Variants in EPS15 observed in about 807,000 individuals in gnomAD.
EPS15 encodes epidermal growth factor receptor substrate 15.
A neutral mutation model predicts 113.8 loss-of-function variants in EPS15; 72 were observed. That is an observed-to-expected ratio of 0.63 (90% confidence interval 0.52 to 0.77). The LOEUF (loss-of-function observed/expected upper bound fraction) is 0.77, where lower values mean the gene tolerates loss of function less well. Among genes scored for constraint, EPS15 ranks in the 30% least tolerant of loss-of-function variants. The pLI, the probability that EPS15 is intolerant of heterozygous loss-of-function variation, is 0.00. For synonymous variants in EPS15, 344 were observed against 363.4 expected (o/e 0.95, Z 0.61); for missense variants, 1,048 against 1,045.8 (o/e 1.00, Z -0.03).
chr1:51,359,518 G>T (rs1476703091), intron 24 of EPS15, among the ~76,000 whole-genome samples: 1 of 150,966 alleles, frequency 6.6e-6, no homozygotes, highest in East Asian at 1.9e-4. Context: ...CCAACACTTT[G>T]AGAGGCTGAG....
At chr1:51,495,444 A>G (rs969375924) in intron 1 of EPS15, among the ~76,000 whole-genome samples, 1 of 151,476 alleles carries the variant, frequency 6.6e-6, no homozygotes, top group Non-Finnish European at 1.5e-5. Flanking sequence ...CAAGAAATAT[A>G]AAAGAATAAC....
intron 6 of EPS15, 22 bp from the exon 7 acceptor site, chr1:51,463,820 C>T: frequency 6.7e-7 from 1 of 1,490,378 alleles, no homozygotes; most frequent in Non-Finnish European, 9.1e-7. Flanking sequence ...AACAAAATCA[C>T]AAGTTAAATA....
Position 51,406,122 on chromosome 1 carries a change from G to A in EPS15, c.1474-14C>T. On this transcript the variant is annotated splice_polypyrimidine_tract_variant and intron_variant, in intron 15 of 24. Coordinates refer to ENST00000371733, the MANE Select transcript of EPS15 (RefSeq NM_001981.3). The stretch of plus-strand genomic sequence containing the variant: ...TTTCATTTGCATCTGCCAACACAAA[G>A]AAGAAATATAGAACAGAATTTATTA... 1.2e-6 allele frequency: 2 copies of A among 1,607,376 alleles called. No homozygotes were observed. The highest frequency in any genetic ancestry group is 1.7e-6 in the Non-Finnish European group (2 of 1,175,702).
intron 9 of EPS15, among the ~76,000 whole-genome samples, chr1:51,447,464 T>A (rs1653157598): frequency 1.3e-5 from 2 of 152,218 alleles, no homozygotes; most frequent in South Asian, 4.1e-4. Context: ...TTTTTATAGT[T>A]TGACCCAGCA....
At chr1:51,405,830 TTAGA>T (rs1649067847) in intron 16 of EPS15, 71 bp downstream of exon 16, 1 of 1,214,036 alleles carries the variant, frequency 8.2e-7, no homozygotes, top group African/African-American at 1.5e-5. Context: ...TGTATTTATA[TTAGA>T]TATAATGTCA....
chr1:51,357,393 T>A (rs12126402), intron 24 of EPS15, among the ~76,000 whole-genome samples: 11,942 of 55,374 alleles, frequency 0.22, 1,332 homozygotes, highest in East Asian at 0.23. Context: ...AAAAAAAAAA[T>A]ATATATATAT....
intron 20 of EPS15, 120 bp from the exon 21 acceptor site, chr1:51,394,567 A>T: frequency 2.0e-6 from 1 of 509,314 alleles, no homozygotes; most frequent in Non-Finnish European, 3.5e-6. Flanking sequence ...TATAGACATT[A>T]GGAACAAATG....
intron 1 of EPS15, among the ~76,000 whole-genome samples, chr1:51,486,242 A>T (rs952135488): frequency 4.0e-5 from 6 of 149,008 alleles, no homozygotes; most frequent in Admixed American, 6.7e-5. Flanking sequence ...ATATGGCAAC[A>T]CCTCGTCTCT....
At chr1:51,475,771 T>A (rs1286808520) in intron 2 of EPS15, among the ~76,000 whole-genome samples, 3 of 152,194 alleles carry the variant, frequency 2.0e-5, no homozygotes, top group Non-Finnish European at 2.9e-5. Flanking sequence ...ATGGCCTGAA[T>A]GGTATTGCCT....
At chr1:51,462,926 G>GCT (rs1377615376) in intron 7 of EPS15, among the ~76,000 whole-genome samples, 3 of 145,346 alleles carry the variant, frequency 2.1e-5, no homozygotes, top group Admixed American at 7.0e-5. Flanking sequence ...GCCCAGGCTG[G>GCT]AGTGTAGTGG....
At chr1:51,401,470 A>G (rs1557431304) in intron 18 of EPS15, among the ~76,000 whole-genome samples, 1 of 152,250 alleles carries the variant, frequency 6.6e-6, no homozygotes, top group Non-Finnish European at 1.5e-5. Context: ...ATATACAAAA[A>G]TAAACTCAAA....
At chr1:51,500,448 T>C (rs1032006734) in intron 1 of EPS15, among the ~76,000 whole-genome samples, 7 of 152,076 alleles carry the variant, frequency 4.6e-5, no homozygotes, top group African/African-American at 1.7e-4. Flanking sequence ...TCTTCATCAA[T>C]ATTTGCTAGT....
At chr1:51,509,941 T>C (rs868629299) in intron 1 of EPS15, among the ~76,000 whole-genome samples, 11 of 152,358 alleles carry the variant, frequency 7.2e-5, no homozygotes, top group Non-Finnish European at 1.3e-4. Flanking sequence ...TCCGAGTTGC[T>C]TAGACTACTG....
Position 51,371,492 on chromosome 1 carries a change from A to C in EPS15, c.2120-5463T>G, listed in dbSNP as rs142151815. 1.1e-3 allele frequency among the ~76,000 whole-genome samples: 162 copies of C among 150,024 alleles called. 1 individual carries two copies. Among genetic ancestry groups the C allele is most frequent in the African/African-American group, 3.9e-3 (160 of 41,258 alleles). On this transcript the variant is annotated intron_variant, in intron 21 of 24. Transcript: ENST00000371733. ...TTTTTCTCTTTTGCATCTTACATTT[A>C]AGAAAAAAGTTTAAAAGTTAAAAAA...
At chr1:51,359,906 T>C (rs903890184) in intron 24 of EPS15, among the ~76,000 whole-genome samples, 3 of 152,030 alleles carry the variant, frequency 2.0e-5, no homozygotes, top group Non-Finnish European at 4.4e-5. Context: ...TGCATGCAGA[T>C]TCTTTTTTTT....
chr1:51,448,173 G>C (rs762789517), intron 8 of EPS15, 38 bp from the exon 9 acceptor site: 1 of 1,241,332 alleles, frequency 8.1e-7, no homozygotes, highest in Non-Finnish European at 1.2e-6. Flanking sequence ...TATATTAAAA[G>C]CACTTAACAT....
intron 14 of EPS15, among the ~76,000 whole-genome samples, chr1:51,409,031 C>T (rs1352461645): frequency 2.0e-5 from 3 of 152,148 alleles, no homozygotes; most frequent in Non-Finnish European, 4.4e-5. Flanking sequence ...CGTGATCCGC[C>T]TGCCTCGGCC....
chr1:51,411,566 G>T (rs1255616675), intron 13 of EPS15, among the ~76,000 whole-genome samples: 1 of 152,064 alleles, frequency 6.6e-6, no homozygotes, highest in Non-Finnish European at 1.5e-5. Flanking sequence ...TTTAAATGAG[G>T]AAATAAGTAC....
intron 14 of EPS15, 38 bp from the exon 15 acceptor site, chr1:51,408,370 AAAG>A (rs750992746): frequency 7.0e-7 from 1 of 1,423,868 alleles, no homozygotes; most frequent in Non-Finnish European, 9.9e-7. Context: ...ATGGGGATTA[AAAG>A]AAGAGATGTC....
Sources: gnomAD v4.1 joint callset for allele counts (sites outside exome capture counted in the v4.1 genomes callset) on GRCh38, gnomAD v4.1.1 for gene constraint, MANE v1.5 for transcripts, NCBI Gene and HGNC (gene_info 2026-07-23, HGNC 2026-07-21) for gene names.